COL5A2: variants seen among roughly 807,000 people sequenced by gnomAD.
COL5A2 encodes collagen type V alpha 2 chain, also known as collagen alpha-2(V) chain.
A neutral mutation model predicts 208.2 loss-of-function variants in COL5A2; 23 were observed. The observed-to-expected ratio is 0.11, with a 90% CI of 0.08 to 0.16. The LOEUF (loss-of-function observed/expected upper bound fraction) is 0.16, where lower values mean the gene tolerates loss of function less well. Ranked by LOEUF, COL5A2 falls within the 10% of genes least tolerant of loss-of-function variation. The pLI, the probability that COL5A2 is intolerant of heterozygous loss-of-function variation, is 1.00. For synonymous variants in COL5A2, 625 were observed against 628.5 expected, an observed-to-expected ratio of 0.99 and a Z score of 0.08; for missense variants, 1,590 against 1,956.4, an observed-to-expected ratio of 0.81 and a Z score of 3.53.
At chr2:189,232,471 AATAAT>A in the COL5A2 span, among the ~76,000 whole-genome samples, 1 of 151,732 alleles carries the variant, frequency 6.6e-6, no homozygotes, top group Non-Finnish European at 1.5e-5. Context: ...TGTAAAATAA[AATAAT>A]ATACTGAGTT....
At chr2:189,303,239 C>T in the COL5A2 span, among the ~76,000 whole-genome samples, 56 of 152,268 alleles carry the variant, frequency 3.7e-4, no homozygotes, top group African/African-American at 1.2e-3. Context: ...CACAGTTTCA[C>T]GCATGCATGG....
At chr2:189,153,668 C>T (rs1688189514) in intron 1 of COL5A2, among the ~76,000 whole-genome samples, 1 of 152,062 alleles carries the variant, frequency 6.6e-6, no homozygotes, top group African/African-American at 2.4e-5. Context: ...ATTACTGGGG[C>T]TCTAAAGTTT....
chr2:189,285,571 T>C, the COL5A2 span, among the ~76,000 whole-genome samples: 1 of 152,132 alleles, frequency 6.6e-6, no homozygotes, highest in Non-Finnish European at 1.5e-5. Flanking sequence ...AATAGCTGAT[T>C]TCCAGAAGGT....
chr2:189,216,605 T>A (rs1465917677), intron 1 of COL5A2, among the ~76,000 whole-genome samples: 1 of 152,006 alleles, frequency 6.6e-6, no homozygotes, highest in Non-Finnish European at 1.5e-5. Context: ...GGGCAGATAG[T>A]AGGATTCAAA....
chr2:189,284,244 T>C, the COL5A2 span, among the ~76,000 whole-genome samples: 1 of 152,210 alleles, frequency 6.6e-6, no homozygotes, highest in Non-Finnish European at 1.5e-5. Flanking sequence ...ACTTTTATGT[T>C]TAATATGGCA....
intron 6 of COL5A2, among the ~76,000 whole-genome samples, chr2:189,094,795 G>A (rs1686870104): frequency 6.7e-6 from 1 of 150,020 alleles, no homozygotes; most frequent in South Asian, 2.1e-4. Context: ...TCACTATGAA[G>A]TTATCTGAAC....
chr2:189,225,838 CT>C (rs1416660367), upstream of COL5A2, among the ~76,000 whole-genome samples: 1 of 152,054 alleles, frequency 6.6e-6, no homozygotes, highest in Non-Finnish European at 1.5e-5. Context: ...TACTTTTTCA[CT>C]TGTAGAACAA....
intron 1 of COL5A2, among the ~76,000 whole-genome samples, chr2:189,169,757 G>C (rs975373322): frequency 7.2e-5 from 11 of 152,122 alleles, no homozygotes; most frequent in Non-Finnish European, 1.3e-4. Context: ...TGTTGCCCAG[G>C]CTGGAGCGCA....
chr2:189,072,432 T>C lies in COL5A2; in HGVS notation c.1105-339A>G, dbSNP rs78400052. Among the ~76,000 whole-genome samples the C allele has an allele frequency of 7.2e-3, 1,095 of 152,282 alleles. 11 individuals are homozygous for C. The highest frequency in any genetic ancestry group is 0.025 in the African/African-American group (1,021 of 41,556). ...ATAATATAGTTTTTAGAAAGTTATA[T>C]TTTATATCAAAATCTAGTACTTCAT... On this transcript the variant is annotated intron_variant, in intron 17 of 53. Transcript: ENST00000374866.
At chr2:189,078,416 G>A in intron 16 of COL5A2, 100 bp downstream of exon 16, 2 of 918,326 alleles carry the variant, frequency 2.2e-6, no homozygotes, top group South Asian at 1.3e-5. Context: ...AAGGTGACCA[G>A]TACTATTACT....
chr2:189,432,052 T>G, the COL5A2 span, among the ~76,000 whole-genome samples: 7 of 152,270 alleles, frequency 4.6e-5, no homozygotes, highest in Non-Finnish European at 1.0e-4. Context: ...TCAACATTCT[T>G]AAAGAGAAGA....
At chr2:189,112,573 A>G (rs1687305439) in intron 1 of COL5A2, among the ~76,000 whole-genome samples, 1 of 152,200 alleles carries the variant, frequency 6.6e-6, no homozygotes, top group Non-Finnish European at 1.5e-5. Context: ...GCTTTCAGAG[A>G]GTAACACTAC....
At position 189,191,195 on chromosome 2, in the gene COL5A2, C is replaced by T. The variant is rs543785219; in HGVS notation, c.-42+33953G>A. On this transcript the variant is annotated intron_variant, in intron 1 of 10. Transcript: ENST00000649966. ...CAAAAAACAACAACAAAAAAAACCA[C>T]TCAGGTGGCTTAAAGAAATTGGTTA... is the stretch of plus-strand genomic sequence containing the variant. Among the ~76,000 whole-genome samples the T allele has an allele frequency of 2.3e-3, 324 of 141,658 alleles. 3 individuals are homozygous for T. The highest frequency in any genetic ancestry group is 4.1e-3 in the Non-Finnish European group (261 of 64,332). 92.9% of individuals were successfully genotyped at this position (141,658 alleles called of 152,430 possible). A position where few individuals can be genotyped will look rare whatever the true frequency, so the allele number is the denominator to read the frequency against.
chr2:189,208,125 A>C (rs1390185804), intron 1 of COL5A2, among the ~76,000 whole-genome samples: 1 of 152,158 alleles, frequency 6.6e-6, no homozygotes, highest in Non-Finnish European at 1.5e-5. Flanking sequence ...TCAAAGGGAT[A>C]TCAAAGTCAA....
At chr2:189,414,753 C>CAAAA in the COL5A2 span, among the ~76,000 whole-genome samples, 37 of 70,256 alleles carry the variant, frequency 5.3e-4, no homozygotes, top group Non-Finnish European at 7.0e-4. Context: ...GACTCTGTCT[C>CAAAA]AAAAAAAAAA....
At chr2:189,063,116 C>T in intron 27 of COL5A2, 53 bp from the exon 28 acceptor site, 5 of 1,610,658 alleles carry the variant, frequency 3.1e-6, no homozygotes, top group Non-Finnish European at 4.2e-6. Flanking sequence ...CAAAAACATA[C>T]CTCCTCCAAA....
chr2:189,280,017 C>T, the COL5A2 span, among the ~76,000 whole-genome samples: 1 of 151,986 alleles, frequency 6.6e-6, no homozygotes, highest in African/African-American at 2.4e-5. Context: ...GCTCTCTCAT[C>T]CATTCAAGCA....
At chr2:189,349,087 T>TA in the COL5A2 span, among the ~76,000 whole-genome samples, 1 of 152,162 alleles carries the variant, frequency 6.6e-6, no homozygotes, top group African/African-American at 2.4e-5. Flanking sequence ...AAACTTCTCA[T>TA]ATTTTGGATC....
At chr2:189,097,583 C>T in intron 5 of COL5A2, 1 of 654,300 alleles carries the variant, frequency 1.5e-6, no homozygotes, top group East Asian at 3.1e-5. Flanking sequence ...GCATAGTGAG[C>T]TAAATAGATT....
Sources: allele counts gnomAD v4.1 joint callset (sites outside exome capture counted in the v4.1 genomes callset), GRCh38; gene constraint gnomAD v4.1.1; transcripts MANE v1.5; gene names NCBI Gene and HGNC (gene_info 2026-07-23, HGNC 2026-07-21).